SOX5: variants seen among roughly 807,000 people sequenced by gnomAD.
SOX5 encodes transcription factor SOX-5.
A neutral mutation model predicts 92.0 loss-of-function variants in SOX5; 9 were observed. That is an observed-to-expected ratio of 0.10 (90% confidence interval 0.06 to 0.17). The LOEUF (loss-of-function observed/expected upper bound fraction) is 0.17. Among genes scored for constraint, SOX5 ranks in the 10% least tolerant of loss-of-function variants. SOX5 has a pLI of 1.00. For missense variants in SOX5, 642 were observed against 944.5 expected (o/e 0.68, Z 4.20); for synonymous variants, 344 against 336.3 (o/e 1.02, Z -0.25).
chr12:24,041,648 G>A (rs546524866), intron 4 of SOX5, among the ~76,000 whole-genome samples: 15 of 152,050 alleles, frequency 9.9e-5, no homozygotes, highest in Non-Finnish European at 1.9e-4. Flanking sequence ...TTCCATGATC[G>A]AACTCTACTG....
At chr12:23,936,641 G>A (rs1942623142) in intron 1 of SOX5, among the ~76,000 whole-genome samples, 1 of 150,666 alleles carries the variant, frequency 6.6e-6, no homozygotes. Context: ...CCATCCACAG[G>A]AAGCTATAAA....
intron 4 of SOX5, among the ~76,000 whole-genome samples, chr12:24,017,442 CA>C (rs1321262856): frequency 6.6e-6 from 1 of 151,034 alleles, no homozygotes; most frequent in Admixed American, 6.6e-5. Context: ...ACTAAAAATG[CA>C]AAAAAAATTA....
intron 1 of SOX5, among the ~76,000 whole-genome samples, chr12:23,927,235 G>A (rs1210782006): frequency 6.6e-6 from 1 of 151,976 alleles, no homozygotes; most frequent in East Asian, 1.9e-4. Flanking sequence ...CATTCTGGGG[G>A]AGGCTCTTGG....
intron 6 of SOX5, among the ~76,000 whole-genome samples, chr12:23,702,125 C>A (rs535458318): frequency 6.6e-6 from 1 of 151,930 alleles, no homozygotes; most frequent in Admixed American, 6.6e-5. Context: ...CTGTTTTAAG[C>A]GTAATAATAT....
At chr12:24,032,697 C>T (rs939135606) in intron 4 of SOX5, among the ~76,000 whole-genome samples, 1 of 151,720 alleles carries the variant, frequency 6.6e-6, no homozygotes, top group East Asian at 1.9e-4. Context: ...CTACTAAACT[C>T]GGTGGGAAAT....
At chr12:24,448,630 T>C (rs1941839295) in intron 1 of SOX5, among the ~76,000 whole-genome samples, 1 of 152,224 alleles carries the variant, frequency 6.6e-6, no homozygotes, top group Admixed American at 6.5e-5. Flanking sequence ...TTAATTCCTG[T>C]TGCACTATGG....
At chr12:23,583,101 T>G (rs374154109) in intron 9 of SOX5, among the ~76,000 whole-genome samples, 5 of 152,110 alleles carry the variant, frequency 3.3e-5, no homozygotes, top group Admixed American at 2.0e-4. Context: ...ATTCACTTTT[T>G]AATTTCAAAA....
At chr12:24,414,710 G>A (rs1376383433) in intron 1 of SOX5, among the ~76,000 whole-genome samples, 2 of 152,180 alleles carry the variant, frequency 1.3e-5, no homozygotes, top group African/African-American at 2.4e-5. Flanking sequence ...AACTAAGCTC[G>A]ACAGCTGCCA....
intron 7 of SOX5, among the ~76,000 whole-genome samples, chr12:23,646,701 GAATT>G (rs1352993925): frequency 6.6e-6 from 1 of 152,182 alleles, no homozygotes; most frequent in Non-Finnish European, 1.5e-5. Context: ...ATCAGAAGTA[GAATT>G]AATTTCAAGA....
At chr12:23,818,346 G>A (rs771778200) in intron 3 of SOX5, among the ~76,000 whole-genome samples, 7 of 152,150 alleles carry the variant, frequency 4.6e-5, no homozygotes, top group East Asian at 3.9e-4. Context: ...ACTGTAACAC[G>A]ACTGTAAGTA....
chr12:23,851,853 A>G (rs2096637213), intron 2 of SOX5, among the ~76,000 whole-genome samples: 3 of 152,136 alleles, frequency 2.0e-5, no homozygotes, highest in Admixed American at 2.0e-4. Flanking sequence ...TATAAGGTAC[A>G]CAACTTAAGA....
rs1461978397 is a variant in SOX5, at chr12:23,895,762, GTGTAGGCACAAT to G, written c.270+19_270+30del. On this transcript the variant is annotated intron_variant, in intron 2 of 14. Coordinates refer to ENST00000451604, the MANE Select transcript of SOX5 (RefSeq NM_006940.6). ...GAGGAGTAGACTGGTCAAAAAGTGAGTGTAGGCACAATAAACCATGAGAAACCTACCATTGTA... is the reference window on the plus strand; with the variant it reads ...GAGGAGTAGACTGGTCAAAAAGTGAGAAACCATGAGAAACCTACCATTGTA... The G allele has an allele frequency of 4.7e-6, 7 of 1,484,622 alleles. No individual in the cohort carries two copies. Among genetic ancestry groups the G allele is most frequent in the Non-Finnish European group, 5.7e-6 (6 of 1,061,944 alleles). 92.0% of individuals were successfully genotyped at this position (1,484,622 alleles called of 1,614,324 possible).
chr12:23,967,396 T>C (rs1348949622), intron 4 of SOX5, among the ~76,000 whole-genome samples: 2 of 152,032 alleles, frequency 1.3e-5, no homozygotes, highest in Non-Finnish European at 2.9e-5. Context: ...TAACTAAATA[T>C]GCAAAATATT....
At chr12:24,422,463 C>G (rs959891656) in intron 1 of SOX5, among the ~76,000 whole-genome samples, 1 of 152,088 alleles carries the variant, frequency 6.6e-6, no homozygotes, top group Non-Finnish European at 1.5e-5. Flanking sequence ...AAGCAGGTAT[C>G]GAAAAAGTCT....
intron 4 of SOX5, among the ~76,000 whole-genome samples, chr12:24,137,257 C>G (rs1256924772): frequency 1.3e-5 from 2 of 152,186 alleles, no homozygotes; most frequent in African/African-American, 4.8e-5. Context: ...GGCAAGTTCT[C>G]TCCTGAGATT....
At chr12:24,214,803 C>T (rs1959038338) in intron 3 of SOX5, among the ~76,000 whole-genome samples, 1 of 151,964 alleles carries the variant, frequency 6.6e-6, no homozygotes, top group African/African-American at 2.4e-5. Flanking sequence ...GTGACTTGTG[C>T]AACTTTTATT....
chr12:23,995,618 A>T (rs1321231506), intron 4 of SOX5, among the ~76,000 whole-genome samples: 2 of 152,158 alleles, frequency 1.3e-5, no homozygotes, highest in African/African-American at 4.8e-5. Flanking sequence ...GAATTGCTTG[A>T]GACCATGAGT....
chr12:23,852,988 G>C (rs896504269), intron 2 of SOX5, among the ~76,000 whole-genome samples: 13 of 151,822 alleles, frequency 8.6e-5, no homozygotes, highest in Non-Finnish European at 1.6e-4. Context: ...AGCTGCAGTG[G>C]GGAAGAAAGA....
At chr12:23,687,382 TAC>T (rs1327713408) in intron 6 of SOX5, among the ~76,000 whole-genome samples, 1 of 152,044 alleles carries the variant, frequency 6.6e-6, no homozygotes, top group Admixed American at 6.6e-5. Flanking sequence ...TATAGTATGA[TAC>T]ACACGCACGA....
Sources: allele counts gnomAD v4.1 joint callset (sites outside exome capture counted in the v4.1 genomes callset), GRCh38; gene constraint gnomAD v4.1.1; transcripts MANE v1.5; gene names NCBI Gene and HGNC (gene_info 2026-07-23, HGNC 2026-07-21).